METAP2: variants seen among roughly 807,000 people sequenced by gnomAD.
The protein encoded by METAP2 is methionine aminopeptidase 2.
Under a neutral mutation model 59.4 loss-of-function variants are expected in METAP2, and 25 were observed. The observed-to-expected ratio is 0.42, with a 90% CI of 0.31 to 0.59. The LOEUF (loss-of-function observed/expected upper bound fraction) is 0.59. Among genes scored for constraint, METAP2 ranks in the 20% least tolerant of loss-of-function variants. The pLI is 0.16. For missense variants in METAP2, 366 were observed against 581.2 expected, an observed-to-expected ratio of 0.63 and a Z score of 3.81; for synonymous variants, 214 against 194.1, an observed-to-expected ratio of 1.10 and a Z score of -0.85.
At chr12:95,508,716 T>TA (rs765652586) in intron 8 of METAP2, among the ~76,000 whole-genome samples, 33 of 149,978 alleles carry the variant, frequency 2.2e-4, no homozygotes, top group Non-Finnish European at 4.4e-4. Flanking sequence ...CCTTTCAAGG[T>TA]ATGGTAGGTG....
rs569902287 is a variant in METAP2, at chr12:95,476,901, ATT to A, written c.259+726_259+727del. ...GTAACCTACTTGTGCTTAGATATCCATTTTGTTTTTTGGTAATGGACTGTCTT... is the reference window on the plus strand; with the variant it reads ...GTAACCTACTTGTGCTTAGATATCCATTGTTTTTTGGTAATGGACTGTCTT... On this transcript the variant is annotated intron_variant, in intron 2 of 10. Coordinates refer to ENST00000323666, the MANE Select transcript of METAP2 (RefSeq NM_006838.4). Among the ~76,000 whole-genome samples, 13 of 152,146 alleles carry A rather than the reference ATT, an allele frequency of 8.5e-5. No individual in the cohort carries two copies. In the East Asian group the frequency reaches 1.9e-3, roughly 23 times the overall value.
intron 7 of METAP2, among the ~76,000 whole-genome samples, chr12:95,497,476 A>G (rs1204780011): frequency 6.6e-6 from 1 of 152,166 alleles, no homozygotes; most frequent in African/African-American, 2.4e-5. Context: ...CCATTCATCC[A>G]CTGATAGACA....
At chr12:95,513,593 G>A (rs2076421488) in intron 10 of METAP2, 59 bp from the exon 11 acceptor site, 1 of 1,558,354 alleles carries the variant, frequency 6.4e-7, no homozygotes, top group African/African-American at 1.4e-5. Flanking sequence ...TTTTCTTAAT[G>A]AGGGAAATCA....
intron 7 of METAP2, among the ~76,000 whole-genome samples, chr12:95,497,811 A>G (rs943689156): frequency 2.6e-5 from 4 of 151,800 alleles, no homozygotes; most frequent in Non-Finnish European, 5.9e-5. Flanking sequence ...TTTTTTGCCC[A>G]TTTTTATTTA....
chr12:95,499,504 C>T (rs1386251700), intron 7 of METAP2, among the ~76,000 whole-genome samples: 1 of 150,788 alleles, frequency 6.6e-6, no homozygotes, highest in Non-Finnish European at 1.5e-5. Context: ...GTAAATTCTC[C>T]ATCTTTGTTC....
At chr12:95,504,497 T>C (rs1224233312) in intron 8 of METAP2, among the ~76,000 whole-genome samples, 1 of 152,206 alleles carries the variant, frequency 6.6e-6, no homozygotes, top group African/African-American at 2.4e-5. Flanking sequence ...TGTTGTTTTT[T>C]GTTTTGTTTG....
chr12:95,491,084 T>C (rs1198804769), intron 4 of METAP2, among the ~76,000 whole-genome samples: 3 of 24,394 alleles, frequency 1.2e-4, no homozygotes, highest in Non-Finnish European at 1.9e-4. Context: ...AGCCAACTCT[T>C]TTTTTTTTTT....
At chr12:95,482,834 T>G (rs2076168942) in intron 2 of METAP2, among the ~76,000 whole-genome samples, 1 of 152,120 alleles carries the variant, frequency 6.6e-6, no homozygotes, top group Non-Finnish European at 1.5e-5. Context: ...CCAAAAATGG[T>G]CAAGTATTGG....
chr12:95,505,585 G>T (rs1425030405), intron 8 of METAP2, among the ~76,000 whole-genome samples: 2 of 151,856 alleles, frequency 1.3e-5, no homozygotes, highest in Admixed American at 1.3e-4. Context: ...TCCCAGGTTC[G>T]AGCCATTCAA....
intron 7 of METAP2, among the ~76,000 whole-genome samples, chr12:95,502,681 T>G (rs1478984632): frequency 6.6e-6 from 1 of 152,044 alleles, no homozygotes; most frequent in Middle Eastern, 3.2e-3. Flanking sequence ...CCTTTCTACT[T>G]CTTCTGAAAA....
At chr12:95,492,130 GTT>G (rs1491117954) in intron 4 of METAP2, among the ~76,000 whole-genome samples, 7 of 109,710 alleles carry the variant, frequency 6.4e-5, no homozygotes, top group Admixed American at 1.1e-4. Flanking sequence ...GTATATGTGT[GTT>G]TGTGTGTGTG....
At chr12:95,485,177 GA>G (rs59793137) in intron 3 of METAP2, among the ~76,000 whole-genome samples, 16,522 of 152,164 alleles carry the variant, frequency 0.11, 955 homozygotes, top group African/African-American at 0.12. Flanking sequence ...TCATTTTGTA[GA>G]TGAGGAAACT....
chr12:95,500,257 G>A (rs989817738), intron 7 of METAP2, among the ~76,000 whole-genome samples: 8 of 151,282 alleles, frequency 5.3e-5, no homozygotes, highest in African/African-American at 1.9e-4. Flanking sequence ...TTTTGACTTT[G>A]TATCTTGTAC....
At chr12:95,505,062 T>C (rs1356249858) in intron 8 of METAP2, among the ~76,000 whole-genome samples, 1 of 152,224 alleles carries the variant, frequency 6.6e-6, no homozygotes, top group Non-Finnish European at 1.5e-5. Flanking sequence ...CCTGCTGTAA[T>C]AACTTCCTTA....
chr12:95,513,090 TACACACACACACACAC>T (rs60788079), intron 10 of METAP2, among the ~76,000 whole-genome samples, 174 bp downstream of exon 10: 17 of 136,178 alleles, frequency 1.2e-4, no homozygotes, highest in East Asian at 2.1e-4. Flanking sequence ...AGATAAAAAT[TACACACACACACACAC>T]ACACACACAC....
chr12:95,505,754 C>T (rs2076354116), intron 8 of METAP2, among the ~76,000 whole-genome samples: 1 of 151,794 alleles, frequency 6.6e-6, no homozygotes, highest in African/African-American at 2.4e-5. Flanking sequence ...CTCGGCCTCC[C>T]GAAGTGCTGG....
chr12:95,478,379 C>G (rs2076135857), intron 2 of METAP2, among the ~76,000 whole-genome samples: 2 of 152,100 alleles, frequency 1.3e-5, no homozygotes, highest in Admixed American at 1.3e-4. Flanking sequence ...GCCTGTAATC[C>G]CAGCATTTTG....
At chr12:95,511,389 GTTTTTTTTTTTT>G (rs11301070) in intron 8 of METAP2, among the ~76,000 whole-genome samples, 3 of 61,118 alleles carry the variant, frequency 4.9e-5, no homozygotes, top group Non-Finnish European at 5.7e-5. Flanking sequence ...TTCTAGCACC[GTTTTTTTTTTTT>G]TTTTTTTTTT....
chr12:95,501,877 A>G (rs2076318711), intron 7 of METAP2, among the ~76,000 whole-genome samples: 1 of 151,422 alleles, frequency 6.6e-6, no homozygotes, highest in Admixed American at 6.6e-5. Context: ...AAGTTACTAC[A>G]TAGTATCCTT....
Sources: allele counts gnomAD v4.1 joint callset (sites outside exome capture counted in the v4.1 genomes callset), GRCh38; gene constraint gnomAD v4.1.1; transcripts MANE v1.5; gene names NCBI Gene and HGNC (gene_info 2026-07-23, HGNC 2026-07-21).